ANTXR2: variants seen among roughly 807,000 people sequenced by gnomAD.
ANTXR2 encodes the protein ANTXR cell adhesion molecule 2.
A neutral mutation model predicts 73.7 loss-of-function variants in ANTXR2; 44 were observed. The ratio of observed to expected loss-of-function variants is 0.60; its 90% CI spans 0.47 to 0.77. ANTXR2 has a LOEUF of 0.77. Among genes scored for constraint, ANTXR2 ranks in the 30% least tolerant of loss-of-function variants. The probability of loss-of-function intolerance (pLI) is 0.00; values close to 1 mark genes in which losing one functional copy is unlikely to be tolerated. For missense variants in ANTXR2, 604 were observed against 592.5 expected (o/e 1.02, Z -0.20); for synonymous variants, 217 against 205.9 (o/e 1.05, Z -0.46).
intron 3 of ANTXR2, among the ~76,000 whole-genome samples, chr4:80,068,665 G>A (rs538660943): frequency 1.2e-4 from 19 of 152,240 alleles, no homozygotes; most frequent in East Asian, 5.8e-4. Context: ...CCAGCTACTC[G>A]GGAGGCTGAA....
chr4:79,948,488 A>G (rs1195516880), intron 16 of ANTXR2, among the ~76,000 whole-genome samples: 1 of 152,218 alleles, frequency 6.6e-6, no homozygotes, highest in African/African-American at 2.4e-5. Flanking sequence ...CACATTTTAG[A>G]TTAACTCATC....
intron 7 of ANTXR2, among the ~76,000 whole-genome samples, chr4:80,037,777 A>G (rs1033610580): frequency 6.6e-6 from 1 of 152,144 alleles, no homozygotes; most frequent in African/African-American, 2.4e-5. Flanking sequence ...AATAGAAAAG[A>G]TTTGCAAAGG....
At chr4:79,913,449 C>A (rs1727223164) in intron 16 of ANTXR2, among the ~76,000 whole-genome samples, 1 of 152,122 alleles carries the variant, frequency 6.6e-6, no homozygotes. Context: ...TGCATGTCAG[C>A]ACACATGTAC....
intron 12 of ANTXR2, among the ~76,000 whole-genome samples, chr4:79,985,349 C>CAAA (rs369006459): frequency 5.1e-5 from 6 of 116,666 alleles, no homozygotes; most frequent in Non-Finnish European, 7.2e-5. Flanking sequence ...GACTCTGTCT[C>CAAA]AAAAAAAAAA....
At chr4:79,950,969 G>A (rs1482680153) in intron 16 of ANTXR2, among the ~76,000 whole-genome samples, 1 of 151,996 alleles carries the variant, frequency 6.6e-6, no homozygotes, top group Non-Finnish European at 1.5e-5. Flanking sequence ...TTCTGATGGA[G>A]TGCTACTGTC....
intron 11 of ANTXR2, among the ~76,000 whole-genome samples, chr4:80,009,935 A>G (rs1731490267): frequency 6.6e-6 from 1 of 151,874 alleles, no homozygotes; most frequent in Non-Finnish European, 1.5e-5. Flanking sequence ...ACATGGATAC[A>G]AAGAAGAATG....
chr4:80,034,576 A>G (rs1329775235), intron 8 of ANTXR2, among the ~76,000 whole-genome samples: 1 of 152,132 alleles, frequency 6.6e-6, no homozygotes, highest in Non-Finnish European at 1.5e-5. Flanking sequence ...CCCTAGTTAT[A>G]TAAGTTTGTT....
Position 79,977,667 on chromosome 4 carries a change from C to A in ANTXR2, c.1382G>T (p.Arg461Leu). Residue 461 changes from arginine (R) to leucine (L), a missense_variant, in exon 16 of 17, where the codon CGG (arginine) becomes CTG (leucine). Coordinates refer to ENST00000403729, the MANE Select transcript of ANTXR2 (RefSeq NM_058172.6). ...CATCAAAGAAACCCGGTCATACTGC[C>A]GCCTCAACAAAGCCCAGAGAGCATC... ...RLDALWALLR[R>L]QYDRVSLMRP... 6.3e-7 allele frequency: 1 copy of A among 1,581,480 alleles called. No homozygotes were observed. Among genetic ancestry groups the A allele is most frequent in the Non-Finnish European group, 8.6e-7 (1 of 1,162,832 alleles).
chr4:79,982,308 T>C (rs1303764444), intron 14 of ANTXR2, among the ~76,000 whole-genome samples: 1 of 152,122 alleles, frequency 6.6e-6, no homozygotes, highest in Admixed American at 6.5e-5. Flanking sequence ...ATAGCATAGA[T>C]TGAAAATTGT....
chr4:79,977,266 TA>T (rs891202127), intron 16 of ANTXR2, among the ~76,000 whole-genome samples: 17 of 152,246 alleles, frequency 1.1e-4, no homozygotes, highest in African/African-American at 3.9e-4. Context: ...TTATTGCTAC[TA>T]AATGCTACTA....
At chr4:80,012,518 C>T (rs1016089635) in intron 11 of ANTXR2, among the ~76,000 whole-genome samples, 2 of 152,094 alleles carry the variant, frequency 1.3e-5, no homozygotes, top group Non-Finnish European at 2.9e-5. Flanking sequence ...GACCATATGG[C>T]CCCCAAAGCC....
At chr4:79,917,746 T>C (rs1727412222) in intron 16 of ANTXR2, among the ~76,000 whole-genome samples, 1 of 152,056 alleles carries the variant, frequency 6.6e-6, no homozygotes, top group Non-Finnish European at 1.5e-5. Context: ...TGTGCTTTTC[T>C]AAGGGTAAAC....
In ANTXR2 at chr4:80,072,827, C is replaced by T. The variant is rs1734882696; in HGVS notation, c.-267G>A. ...GTGGAAGCGCGATCCAGTCCTCCCC[C>T]TCCCGATTCCGGAGAGTTCCTGCAG... On this transcript the variant is annotated 5_prime_UTR_variant, in exon 1 of 17. Transcript: ENST00000403729. The T allele has an allele frequency of 2.6e-6, 2 of 765,590 alleles. No homozygotes were observed. The highest frequency in any genetic ancestry group is 3.6e-6 in the Non-Finnish European group (2 of 560,168). The allele number at this position is 765,590 out of a possible 1,614,324, so 47.4% of individuals were successfully genotyped here.
intron 16 of ANTXR2, among the ~76,000 whole-genome samples, chr4:79,928,987 C>A (rs1295691589): frequency 7.2e-5 from 11 of 152,116 alleles, no homozygotes; most frequent in Non-Finnish European, 1.6e-4. Context: ...AAAATCTTAG[C>A]TCTATGTAAT....
chr4:79,998,526 C>G (rs1367619214), intron 12 of ANTXR2, among the ~76,000 whole-genome samples: 1 of 151,992 alleles, frequency 6.6e-6, no homozygotes, highest in Non-Finnish European at 1.5e-5. Context: ...TTCTCCTATC[C>G]TGATTAGTAA....
intron 10 of ANTXR2, among the ~76,000 whole-genome samples, chr4:80,027,554 C>A (rs1732500149): frequency 1.3e-5 from 2 of 152,132 alleles, no homozygotes; most frequent in Admixed American, 1.3e-4. Context: ...CTAATACTAT[C>A]AGTTTCATCT....
chr4:80,069,406 A>G (rs750637255), intron 3 of ANTXR2, 30 bp downstream of exon 3: 1 of 1,516,176 alleles, frequency 6.6e-7, no homozygotes, highest in African/African-American at 1.4e-5. Context: ...TCTCTACTAA[A>G]AGCCTGCAGT....
At chr4:80,072,320 C>T in intron 1 of ANTXR2, 89 bp downstream of exon 1, 1 of 1,402,838 alleles carries the variant, frequency 7.1e-7, no homozygotes, top group South Asian at 1.6e-5. Flanking sequence ...ACACCACTCC[C>T]CGGGGTGCGC....
chr4:80,068,615 T>C (rs1227107519), intron 3 of ANTXR2, among the ~76,000 whole-genome samples: 1 of 151,744 alleles, frequency 6.6e-6, no homozygotes, highest in Non-Finnish European at 1.5e-5. Flanking sequence ...ACTAAAAAAA[T>C]ACAAAAATTG....
Sources: gnomAD v4.1 joint callset for allele counts (sites outside exome capture counted in the v4.1 genomes callset) on GRCh38, gnomAD v4.1.1 for gene constraint, MANE v1.5 for transcripts, NCBI Gene and HGNC (gene_info 2026-07-23, HGNC 2026-07-21) for gene names.